Variants in EVC2 observed in about 807,000 individuals in gnomAD.
EVC2 encodes the protein EvC ciliary complex subunit 2, also known as limbin.
EVC2 carries 148 observed loss-of-function variants against 149.3 expected under a neutral mutation model. The observed-to-expected ratio is 0.99, with a 90% CI of 0.87 to 1.14. The LOEUF (loss-of-function observed/expected upper bound fraction) is 1.14. EVC2 is among the 50% of genes most tolerant of loss of function. The pLI is 0.00. For synonymous variants in EVC2, 776 were observed against 649.9 expected, an observed-to-expected ratio of 1.19 and a Z score of -2.95; for missense variants, 1,854 against 1,627.3, an observed-to-expected ratio of 1.14 and a Z score of -2.40.
the EVC2 span, among the ~76,000 whole-genome samples, chr4:5,529,405 A>C: frequency 1.8e-4 from 27 of 152,290 alleles, no homozygotes; most frequent in African/African-American, 5.8e-4. The surrounding 1 kb of genome is among the most constrained non-coding windows in gnomAD (Gnocchi z 4.5). Flanking sequence ...GATATAATTC[A>C]ATTCGCTTTT....
chr4:5,688,355 C>T (rs753479216), intron 5 of EVC2, among the ~76,000 whole-genome samples: 7 of 152,092 alleles, frequency 4.6e-5, no homozygotes, highest in South Asian at 2.1e-4. Context: ...AAGGTTACCA[C>T]GGTGCACAGG....
chr4:5,654,117 G>C (rs1186814602), intron 9 of EVC2, among the ~76,000 whole-genome samples: 1 of 152,228 alleles, frequency 6.6e-6, no homozygotes, highest in Non-Finnish European at 1.5e-5. Context: ...AGGAGGCTGA[G>C]GCAGGAGAAT....
At chr4:5,610,398 T>C (rs943411331) in intron 16 of EVC2, among the ~76,000 whole-genome samples, 1 of 152,202 alleles carries the variant, frequency 6.6e-6, no homozygotes, top group African/African-American at 2.4e-5. Context: ...AGGTAAGTTC[T>C]TCAATCAGTG....
chr4:5,686,985 G>A lies in EVC2; in HGVS notation c.707-1506C>T, dbSNP rs1410943910. Among the ~76,000 whole-genome samples the A allele has an allele frequency of 6.6e-6, 1 of 152,188 alleles. No individual in the cohort carries two copies. Among genetic ancestry groups the A allele is most frequent in the East Asian group, 1.9e-4 (1 of 5,182 alleles). Reference sequence around the variant, plus strand: ...AATAACAACAACAGTGGCCGGGCATGGTGGCTCACGCCTGTAATCCTAGCA... The same window carrying A: ...AATAACAACAACAGTGGCCGGGCATAGTGGCTCACGCCTGTAATCCTAGCA... On this transcript the variant is annotated intron_variant, in intron 5 of 21. Transcript: ENST00000344408. This position sits in a 1 kb window ranked among gnomAD's most constrained non-coding sequence, Gnocchi z 5.4.
rs1722503777 is a variant in EVC2, at chr4:5,569,241, G to C, written c.3361-601C>G. 6.6e-6 allele frequency among the ~76,000 whole-genome samples: 1 copy of C among 152,208 alleles called. No individual in the cohort carries two copies. Among genetic ancestry groups the C allele is most frequent in the South Asian group, 2.1e-4 (1 of 4,826 alleles). On this transcript the variant is annotated intron_variant, in intron 19 of 21. Transcript: ENST00000344408. The surrounding 1 kb of genome is among the most constrained non-coding windows in gnomAD (Gnocchi z 4.8). ...GGCAGTGGATGCCAGGTGTGGGGCAGGGGAGGTGGGTGTGGCCTTAAAGGG... is the reference window on the plus strand; with the variant it reads ...GGCAGTGGATGCCAGGTGTGGGGCACGGGAGGTGGGTGTGGCCTTAAAGGG...
intron 12 of EVC2, among the ~76,000 whole-genome samples, 198 bp from the exon 13 acceptor site, chr4:5,626,106 AAG>A (rs1716090409): frequency 6.6e-6 from 1 of 152,176 alleles, no homozygotes; most frequent in Admixed American, 6.5e-5. Flanking sequence ...AGCTCAGCAC[AAG>A]AGAGACATCA....
At chr4:5,600,000 T>A (rs1435334150) in intron 16 of EVC2, among the ~76,000 whole-genome samples, 2 of 152,240 alleles carry the variant, frequency 1.3e-5, no homozygotes, top group African/African-American at 4.8e-5. Flanking sequence ...CCTAGAAAGA[T>A]ACTTCTACCA....
At chr4:5,695,997 C>T (rs1262681557) in intron 2 of EVC2, among the ~76,000 whole-genome samples, 1 of 152,272 alleles carries the variant, frequency 6.6e-6, no homozygotes, top group South Asian at 2.1e-4. Flanking sequence ...GGGATAAGGG[C>T]TCCAATTGCA....
intron 19 of EVC2, among the ~76,000 whole-genome samples, chr4:5,572,758 G>A (rs1233188039): frequency 2.0e-5 from 3 of 152,208 alleles, no homozygotes; most frequent in African/African-American, 7.2e-5. Flanking sequence ...AATTCTGCTG[G>A]TGACACTGGC....
In EVC2 at chr4:5,576,430, G is replaced by A; in HGVS notation, c.3082C>T (p.Leu1028=). The part of the protein sequence containing the change: ...SRELQELERK[L]EDQLVQQEAA... ...TCCTGCTGCACCAGCTGGTCCTCCAGCTTCCTCTCCAACTCCTGGAGCTCC... is the reference window on the plus strand; with the variant it reads ...TCCTGCTGCACCAGCTGGTCCTCCAACTTCCTCTCCAACTCCTGGAGCTCC... The change falls in exon 18 of 22, where the codon CTG becomes TTG. Residue 1028 remains leucine (L), a synonymous_variant. Transcript: ENST00000344408. This position sits in a 1 kb window ranked among gnomAD's most constrained non-coding sequence, Gnocchi z 4.5. The A allele has an allele frequency of 6.2e-7, 1 of 1,607,270 alleles. No homozygotes were observed.
chr4:5,582,346 T>A (rs1711870546), intron 17 of EVC2, among the ~76,000 whole-genome samples: 1 of 152,252 alleles, frequency 6.6e-6, no homozygotes, highest in Non-Finnish European at 1.5e-5. Flanking sequence ...GACCAGCATG[T>A]TCTGAATATG....
intron 16 of EVC2, among the ~76,000 whole-genome samples, chr4:5,593,181 C>A (rs770785733): frequency 6.6e-6 from 1 of 152,090 alleles, no homozygotes. Flanking sequence ...CACCCAGTCT[C>A]GGGTATGTCC....
intron 16 of EVC2, among the ~76,000 whole-genome samples, chr4:5,602,765 A>G (rs1714091080): frequency 6.6e-6 from 1 of 152,212 alleles, no homozygotes; most frequent in Non-Finnish European, 1.5e-5. Flanking sequence ...GTACAGGTTG[A>G]GTGAAGAGAG....
At chr4:5,666,690 C>T (rs1719306870) in intron 7 of EVC2, among the ~76,000 whole-genome samples, 1 of 152,132 alleles carries the variant, frequency 6.6e-6, no homozygotes, top group African/African-American at 2.4e-5. Flanking sequence ...TCATAGAGAG[C>T]TTTTTCTTTT....
chr4:5,615,291 G>A, intron 16 of EVC2, 131 bp downstream of exon 16: 11 of 1,455,790 alleles, frequency 7.6e-6, no homozygotes, highest in South Asian at 1.2e-5. Context: ...CTTAGCACCT[G>A]AGTGAGTGAG....
At chr4:5,656,566 G>C (rs957223296) in intron 9 of EVC2, among the ~76,000 whole-genome samples, 3 of 152,202 alleles carry the variant, frequency 2.0e-5, no homozygotes, top group Non-Finnish European at 2.9e-5. Context: ...TCCTAAGAGA[G>C]AGCAGAGGAA....
chr4:5,600,740 T>C (rs1045653900), intron 16 of EVC2, among the ~76,000 whole-genome samples: 3 of 152,068 alleles, frequency 2.0e-5, no homozygotes, highest in Non-Finnish European at 4.4e-5. Flanking sequence ...CATCTAGAAG[T>C]GGGAGGTAAA....
intron 16 of EVC2, among the ~76,000 whole-genome samples, chr4:5,611,184 G>T (rs1467123058): frequency 6.6e-6 from 1 of 152,204 alleles, no homozygotes; most frequent in Non-Finnish European, 1.5e-5. Flanking sequence ...TGAACTAGGA[G>T]ACACTGCACA....
rs748281775 is a variant in EVC2, at chr4:5,562,615, G to A, written c.*233C>T. On this transcript the variant is annotated 3_prime_UTR_variant, in exon 22 of 22. Coordinates refer to ENST00000344408, the MANE Select transcript of EVC2 (RefSeq NM_147127.5). This position sits in a 1 kb window ranked among gnomAD's most constrained non-coding sequence, Gnocchi z 4.3. ...TCCTCCAGGGCCCTGGGGAGGTGGG[G>A]CTGAAAGAAGGAGTGTTTATGTCCT... 1.3e-4 allele frequency: 189 copies of A among 1,403,666 alleles called. No homozygotes were observed. The Middle Eastern group carries it at 1.9e-3, about 14-fold the overall frequency. 87.0% of individuals were successfully genotyped at this position (1,403,666 alleles called of 1,614,324 possible). A position where few individuals can be genotyped will look rare whatever the true frequency, so the allele number is the denominator to read the frequency against.
Sources: gnomAD v4.1 joint callset for allele counts (sites outside exome capture counted in the v4.1 genomes callset) on GRCh38, gnomAD v4.1.1 for gene constraint, Gnocchi (gnomAD v3.1) non-coding constraint, MANE v1.5 for transcripts, NCBI Gene and HGNC (gene_info 2026-07-23, HGNC 2026-07-21) for gene names.